The following LNX2 variants were observed in gnomAD, a reference collection of about 807,000 sequenced individuals.
The protein encoded by LNX2 is ligand of numb-protein X 2.
LNX2 carries 35 observed loss-of-function variants against 66.2 expected under a neutral mutation model. The ratio of observed to expected loss-of-function variants is 0.53; its 90% CI spans 0.40 to 0.70. The LOEUF (loss-of-function observed/expected upper bound fraction) is 0.70, where lower values mean the gene tolerates loss of function less well. LNX2 is among the 30% of genes least tolerant of loss of function. The probability of loss-of-function intolerance (pLI) is 0.00; values close to 1 mark genes in which losing one functional copy is unlikely to be tolerated. For synonymous variants in LNX2, 337 were observed against 315.6 expected, an observed-to-expected ratio of 1.07 and a Z score of -0.72; for missense variants, 791 against 850.8, an observed-to-expected ratio of 0.93 and a Z score of 0.87.
intron 6 of LNX2, among the ~76,000 whole-genome samples, chr13:27,557,240 C>T (rs1279026959): frequency 6.6e-6 from 1 of 152,044 alleles, no homozygotes; most frequent in Admixed American, 6.5e-5. Flanking sequence ...TTAACCTTCA[C>T]AAAAGTCCTG....
chr13:27,614,197 G>A (rs957982687), intron 1 of LNX2, among the ~76,000 whole-genome samples: 2 of 152,210 alleles, frequency 1.3e-5, no homozygotes, highest in Middle Eastern at 3.2e-3. Flanking sequence ...CACGAAGCTA[G>A]GCAACAGAGG....
rs1020082049 is a variant in LNX2 at position 27,582,158 on chromosome 13, T to C, written c.-100-355A>G. On this transcript the variant is annotated intron_variant, in intron 1 of 9. Coordinates refer to ENST00000316334, the MANE Select transcript of LNX2 (RefSeq NM_153371.4). Reference sequence around the variant, plus strand: ...GACTCTCCCATCTCAGCCTCCCGAGTAGCTGGTACTACAGGTGCACGCCAC... The same window carrying C: ...GACTCTCCCATCTCAGCCTCCCGAGCAGCTGGTACTACAGGTGCACGCCAC... 3.3e-5 allele frequency among the ~76,000 whole-genome samples: 5 copies of C among 152,090 alleles called. No homozygotes were observed. In the East Asian group the frequency reaches 7.7e-4, roughly 24 times the overall value.
intron 2 of LNX2, 71 bp downstream of exon 2, chr13:27,581,226 C>A: frequency 7.7e-7 from 1 of 1,307,032 alleles, no homozygotes; most frequent in South Asian, 1.8e-5. Flanking sequence ...TTGTTTTAAT[C>A]AAGTTTTTAT....
At chr13:27,556,648 C>A (rs1037482071) in intron 6 of LNX2, among the ~76,000 whole-genome samples, 2 of 152,140 alleles carry the variant, frequency 1.3e-5, no homozygotes, top group Admixed American at 1.3e-4. Context: ...CTCAGGACTG[C>A]TGAAATACAG....
At chr13:27,617,291 G>A (rs1248518863) in intron 1 of LNX2, among the ~76,000 whole-genome samples, 3 of 152,176 alleles carry the variant, frequency 2.0e-5, no homozygotes, top group Non-Finnish European at 4.4e-5. Flanking sequence ...AGATACATAT[G>A]TATTACTTTT....
intron 1 of LNX2, among the ~76,000 whole-genome samples, chr13:27,610,554 A>G (rs957084269): frequency 3.3e-5 from 5 of 152,196 alleles, no homozygotes; most frequent in African/African-American, 7.2e-5. Context: ...AACTCCTAGA[A>G]GAAAACATAT....
At chr13:27,588,302 T>C (rs901230222) in intron 1 of LNX2, among the ~76,000 whole-genome samples, 1 of 152,164 alleles carries the variant, frequency 6.6e-6, no homozygotes, top group Non-Finnish European at 1.5e-5. Flanking sequence ...GGTAAACAAA[T>C]TGTGGCACAT....
chr13:27,611,905 A>G (rs1421739536), intron 1 of LNX2, among the ~76,000 whole-genome samples: 1 of 152,230 alleles, frequency 6.6e-6, no homozygotes, highest in Non-Finnish European at 1.5e-5. Context: ...TTACAAGGTT[A>G]AAGATTGGAG....
rs1244558978 is a variant in LNX2 at position 27,546,803 on chromosome 13, TATA to T, written c.*1529_*1531del. ...CTAAATGAAATTTTTTTCAAGTATG[TATA>T]ATATTAATAAGGTAAAGATATTTTT... On this transcript the variant is annotated 3_prime_UTR_variant, in exon 10 of 10. Transcript: ENST00000316334. 1 of 152,178 alleles carries T rather than the reference TATA, an allele frequency of 6.6e-6. No individual in the cohort carries two copies. Among genetic ancestry groups the T allele is most frequent in the Non-Finnish European group, 1.5e-5 (1 of 68,018 alleles). The allele number at this position is 152,178 out of a possible 1,614,324, so 9.4% of individuals were successfully genotyped here.
chr13:27,552,993 C>A (rs1244515804), intron 8 of LNX2, among the ~76,000 whole-genome samples: 10 of 152,162 alleles, frequency 6.6e-5, no homozygotes. Flanking sequence ...GGAGCCTTGA[C>A]AGGAATGGAC....
intron 1 of LNX2, among the ~76,000 whole-genome samples, chr13:27,592,672 G>A (rs1955556707): frequency 6.6e-6 from 1 of 151,398 alleles, no homozygotes. Flanking sequence ...GCAAAGAGAA[G>A]GGCTGATTCA....
chr13:27,609,607 A>G (rs1955752758), intron 1 of LNX2, among the ~76,000 whole-genome samples: 1 of 152,244 alleles, frequency 6.6e-6, no homozygotes, highest in African/African-American at 2.4e-5. Flanking sequence ...TAGAAAGACT[A>G]AAATCATGCA....
intron 1 of LNX2, among the ~76,000 whole-genome samples, chr13:27,603,176 G>A (rs1476881993): frequency 6.6e-6 from 1 of 151,902 alleles, no homozygotes; most frequent in East Asian, 1.9e-4. Context: ...ACAATTTATG[G>A]CTCACTTAAC....
chr13:27,610,100 C>G (rs897672742), intron 1 of LNX2, among the ~76,000 whole-genome samples: 1 of 152,132 alleles, frequency 6.6e-6, no homozygotes, highest in African/African-American at 2.4e-5. Context: ...TATTAAATAG[C>G]CTTCGCATAG....
intron 1 of LNX2, among the ~76,000 whole-genome samples, chr13:27,609,557 C>T (rs961727296): frequency 1.3e-5 from 2 of 152,088 alleles, no homozygotes; most frequent in Non-Finnish European, 2.9e-5. Context: ...TTCAGGTGAA[C>T]CCAAACTGTA....
At chr13:27,563,171 C>A (rs1013005494) in intron 4 of LNX2, among the ~76,000 whole-genome samples, 12 of 152,066 alleles carry the variant, frequency 7.9e-5, no homozygotes, top group African/African-American at 2.9e-4. Flanking sequence ...TAACATGGGG[C>A]AAGTGCTAAT....
At chr13:27,555,744 A>G (rs1336311152) in intron 7 of LNX2, among the ~76,000 whole-genome samples, 1 of 152,184 alleles carries the variant, frequency 6.6e-6, no homozygotes, top group East Asian at 1.9e-4. Context: ...GTCAATGGAG[A>G]CTGCTATTTT....
intron 5 of LNX2, 91 bp from the exon 6 acceptor site, chr13:27,560,076 A>G: frequency 8.3e-7 from 1 of 1,202,308 alleles, no homozygotes; most frequent in Non-Finnish European, 1.1e-6. Flanking sequence ...TGAACTTCTT[A>G]ATCACTGTAC....
At chr13:27,553,512 A>C in intron 7 of LNX2, 73 bp from the exon 8 acceptor site, 2 of 1,141,776 alleles carry the variant, frequency 1.8e-6, no homozygotes, top group Admixed American at 3.6e-5. Context: ...TTGTTTATAA[A>C]CTAAGCAACA....
Sources: allele counts gnomAD v4.1 joint callset (sites outside exome capture counted in the v4.1 genomes callset), GRCh38; gene constraint gnomAD v4.1.1; transcripts MANE v1.5; gene names NCBI Gene and HGNC (gene_info 2026-07-23, HGNC 2026-07-21).